Variants in GALNTL6 observed in about 807,000 individuals in gnomAD.
GALNTL6 encodes the protein polypeptide N-acetylgalactosaminyltransferase-like 6.
A neutral mutation model predicts 73.7 loss-of-function variants in GALNTL6; 46 were observed. The observed-to-expected ratio is 0.62, with a 90% CI of 0.49 to 0.80. GALNTL6 has a LOEUF of 0.80. GALNTL6 is among the 30% of genes least tolerant of loss of function. GALNTL6 has a pLI of 0.00. For missense variants in GALNTL6, 604 were observed against 755.0 expected, an observed-to-expected ratio of 0.80 and a Z score of 2.34; for synonymous variants, 259 against 263.7, an observed-to-expected ratio of 0.98 and a Z score of 0.17.
chr4:172,720,313 A>G (rs1325938570), intron 5 of GALNTL6, among the ~76,000 whole-genome samples: 7 of 152,230 alleles, frequency 4.6e-5, no homozygotes, highest in African/African-American at 1.7e-4. Flanking sequence ...GGAAACAGGG[A>G]TCCTCCGCAA....
intron 3 of GALNTL6, among the ~76,000 whole-genome samples, chr4:172,262,240 A>ATAAT (rs757076783): frequency 6.6e-6 from 1 of 151,372 alleles, no homozygotes; most frequent in Non-Finnish European, 1.5e-5. Context: ...GTCCCCCACT[A>ATAAT]TAATTGGGTT....
At chr4:172,987,667 C>T (rs879792488) in intron 10 of GALNTL6, among the ~76,000 whole-genome samples, 3 of 152,144 alleles carry the variant, frequency 2.0e-5, no homozygotes, top group Non-Finnish European at 4.4e-5. Flanking sequence ...TGGGAAGTGA[C>T]TGGATCATGG....
intron 5 of GALNTL6, among the ~76,000 whole-genome samples, chr4:172,677,768 TA>T (rs904537450): frequency 1.2e-3 from 168 of 143,294 alleles, no homozygotes; most frequent in African/African-American, 2.0e-3. Context: ...TACAAAAAAT[TA>T]AAAAAAAAAG....
chr4:171,849,166 G>A (rs913225915), intron 2 of GALNTL6, among the ~76,000 whole-genome samples: 8 of 152,144 alleles, frequency 5.3e-5, no homozygotes, highest in Middle Eastern at 3.2e-3. Flanking sequence ...TTTGATTTAA[G>A]CTGAAAGACA....
rs764942643 is a variant in GALNTL6 at position 172,311,660 on chromosome 4, T to C, written c.294T>C (p.His98=). The stretch of plus-strand genomic sequence containing the variant: ...CTTACCCCCTTACTGAAGAGGACCA[T>C]GATGACTCAGCTTACAGGGAAAATG... ...GKPYPLTEED[H]DDSAYRENGF... The change falls in exon 4 of 13, where the codon CAT becomes CAC. Residue 98 remains histidine, a synonymous_variant. Coordinates refer to ENST00000506823, the MANE Select transcript of GALNTL6 (RefSeq NM_001034845.3). 12 of 1,612,240 alleles carry C rather than the reference T, an allele frequency of 7.4e-6. No homozygotes were observed. The highest frequency in any genetic ancestry group is 1.0e-5 in the Non-Finnish European group (12 of 1,178,852).
At chr4:172,976,213 A>G (rs1376463887) in intron 10 of GALNTL6, among the ~76,000 whole-genome samples, 1 of 152,224 alleles carries the variant, frequency 6.6e-6, no homozygotes, top group Non-Finnish European at 1.5e-5. Flanking sequence ...AGGAGATCCT[A>G]TTCACCACAA....
chr4:172,469,084 G>GGAC (rs1477287869), intron 5 of GALNTL6, among the ~76,000 whole-genome samples: 1 of 152,120 alleles, frequency 6.6e-6, no homozygotes, highest in Non-Finnish European at 1.5e-5. Flanking sequence ...ACAGAGCATG[G>GGAC]GACCCACCTG....
At chr4:172,573,547 T>C (rs1428515209) in intron 5 of GALNTL6, among the ~76,000 whole-genome samples, 1 of 152,072 alleles carries the variant, frequency 6.6e-6, no homozygotes, top group East Asian at 1.9e-4. Context: ...TAATCTATTA[T>C]AATAAAAAAA....
At chr4:171,891,873 C>G (rs1342939350) in intron 2 of GALNTL6, among the ~76,000 whole-genome samples, 3 of 152,094 alleles carry the variant, frequency 2.0e-5, no homozygotes, top group Non-Finnish European at 4.4e-5. Context: ...TTTTGAAATT[C>G]AAATTTTACT....
At chr4:172,790,498 A>G (rs75433413) in intron 5 of GALNTL6, among the ~76,000 whole-genome samples, 2,656 of 152,288 alleles carry the variant, frequency 0.017, 85 homozygotes, top group African/African-American at 0.06. Context: ...CCTCACCAGA[A>G]ACTAACGCCA....
At chr4:171,836,280 C>T (rs1181250126) in intron 2 of GALNTL6, among the ~76,000 whole-genome samples, 2 of 152,084 alleles carry the variant, frequency 1.3e-5, no homozygotes, top group Non-Finnish European at 2.9e-5. Context: ...CACACTGCTT[C>T]CAACTCTGCA....
intron 5 of GALNTL6, among the ~76,000 whole-genome samples, chr4:172,783,046 A>G (rs1739456869): frequency 6.6e-6 from 1 of 151,658 alleles, no homozygotes; most frequent in Non-Finnish European, 1.5e-5. Context: ...ACACTATCTC[A>G]TTTCAAACGT....
chr4:172,436,686 G>A (rs918739017), intron 5 of GALNTL6, among the ~76,000 whole-genome samples: 2 of 152,010 alleles, frequency 1.3e-5, no homozygotes, highest in Non-Finnish European at 2.9e-5. Flanking sequence ...CTTGACTCAA[G>A]AGGCCATAAG....
At chr4:172,000,022 A>G (rs1269306896) in intron 2 of GALNTL6, among the ~76,000 whole-genome samples, 2 of 152,168 alleles carry the variant, frequency 1.3e-5, no homozygotes, top group Admixed American at 1.3e-4. Flanking sequence ...TCAAATCATG[A>G]TGGTCCTGCA....
In GALNTL6 at chr4:172,995,791, G is replaced by A. The variant is rs1751751984; in HGVS notation, c.1372-13387G>A. ...ATGCCTGCTTTCATGTTTCTGACATGCCATGCTCTTTTGTCTCATAACAAA... is the reference window on the plus strand; with the variant it reads ...ATGCCTGCTTTCATGTTTCTGACATACCATGCTCTTTTGTCTCATAACAAA... On this transcript the variant is annotated intron_variant, in intron 10 of 12. Coordinates refer to ENST00000506823, the MANE Select transcript of GALNTL6 (RefSeq NM_001034845.3). 2.0e-5 allele frequency among the ~76,000 whole-genome samples: 3 copies of A among 152,286 alleles called. No homozygotes were observed. The South Asian group carries it at 6.2e-4, about 32-fold the overall frequency.
At chr4:172,592,925 CA>C (rs1361891572) in intron 5 of GALNTL6, among the ~76,000 whole-genome samples, 1 of 151,900 alleles carries the variant, frequency 6.6e-6, no homozygotes, top group Non-Finnish European at 1.5e-5. Flanking sequence ...TCCAGAAGCA[CA>C]ATTCATTTTT....
chr4:172,017,370 T>C (rs1388246758), intron 2 of GALNTL6, among the ~76,000 whole-genome samples: 1 of 152,142 alleles, frequency 6.6e-6, no homozygotes, highest in Non-Finnish European at 1.5e-5. Flanking sequence ...GTGACTCTGC[T>C]GTTTTTCCAG....
intron 5 of GALNTL6, among the ~76,000 whole-genome samples, chr4:172,694,485 T>G (rs1733557400): frequency 6.6e-6 from 1 of 152,236 alleles, no homozygotes; most frequent in South Asian, 2.1e-4. Context: ...TCATTCTTTT[T>G]TATGGCTGCA....
chr4:172,560,037 G>A (rs557503524), intron 5 of GALNTL6, among the ~76,000 whole-genome samples: 88 of 152,242 alleles, frequency 5.8e-4, no homozygotes, highest in South Asian at 2.1e-3. Context: ...TGTTCAACTT[G>A]CATCCTGATA....
Sources: gnomAD v4.1 joint callset for allele counts (sites outside exome capture counted in the v4.1 genomes callset) on GRCh38, gnomAD v4.1.1 for gene constraint, MANE v1.5 for transcripts, NCBI Gene and HGNC (gene_info 2026-07-23, HGNC 2026-07-21) for gene names.